ITPK1: variants seen among roughly 807,000 people sequenced by gnomAD.
The protein encoded by ITPK1 is inositol-tetrakisphosphate 1-kinase.
A neutral mutation model predicts 45.3 loss-of-function variants in ITPK1; 21 were observed. The observed-to-expected ratio is 0.46, with a 90% CI of 0.33 to 0.67. ITPK1 has a LOEUF of 0.67. Ranked by LOEUF, ITPK1 falls within the 30% of genes least tolerant of loss-of-function variation. The probability of loss-of-function intolerance (pLI) is 0.02; values close to 1 mark genes in which losing one functional copy is unlikely to be tolerated. For missense variants in ITPK1, 474 were observed against 573.5 expected, an observed-to-expected ratio of 0.83 and a Z score of 1.77; for synonymous variants, 258 against 253.6, an observed-to-expected ratio of 1.02 and a Z score of -0.16.
At chr14:93,043,520 A>G (rs1889652059) in intron 3 of ITPK1, among the ~76,000 whole-genome samples, 1 of 152,204 alleles carries the variant, frequency 6.6e-6, no homozygotes, top group Admixed American at 6.5e-5. Flanking sequence ...AAGCAGGGGA[A>G]ATGCCATCCT....
intron 5 of ITPK1, among the ~76,000 whole-genome samples, chr14:92,975,635 T>C (rs1200922104): frequency 6.6e-6 from 1 of 152,184 alleles, no homozygotes. Context: ...CTTTCCCCAA[T>C]GTGGGTGGAG....
intron 2 of ITPK1, among the ~76,000 whole-genome samples, chr14:93,084,733 A>G (rs916220675): frequency 1.3e-5 from 2 of 152,174 alleles, no homozygotes; most frequent in African/African-American, 2.4e-5. Context: ...AGGGGGAGGC[A>G]GCAGCAGCCT....
intron 5 of ITPK1, among the ~76,000 whole-genome samples, chr14:92,989,026 A>G (rs1463766983): frequency 6.6e-6 from 1 of 152,028 alleles, no homozygotes; most frequent in African/African-American, 2.4e-5. Context: ...CAGCTCCCCG[A>G]GGGTTGAGAG....
intron 8 of ITPK1, among the ~76,000 whole-genome samples, chr14:92,957,762 G>A (rs1183136648): frequency 1.3e-5 from 2 of 152,240 alleles, no homozygotes; most frequent in Admixed American, 1.3e-4. Flanking sequence ...CTCTGTCTCA[G>A]GCTCCCCAGG....
At chr14:93,046,784 C>T (rs1469381909) in intron 3 of ITPK1, among the ~76,000 whole-genome samples, 1 of 152,178 alleles carries the variant, frequency 6.6e-6, no homozygotes. Flanking sequence ...TGGTTCATTA[C>T]CATCAAAGCT....
At chr14:92,991,111 C>A (rs1038540521) in intron 5 of ITPK1, among the ~76,000 whole-genome samples, 5 of 152,184 alleles carry the variant, frequency 3.3e-5, no homozygotes, top group Non-Finnish European at 7.3e-5. Flanking sequence ...CTGTGATTAT[C>A]TGAGGGAACT....
chr14:93,055,975 C>T (rs1377843998), intron 3 of ITPK1, among the ~76,000 whole-genome samples: 2 of 152,152 alleles, frequency 1.3e-5, no homozygotes, highest in East Asian at 3.9e-4. Context: ...ATCAGGCAGC[C>T]TGATGAGGCT....
chr14:92,950,199 G>A (rs986333664), intron 9 of ITPK1, among the ~76,000 whole-genome samples: 3 of 152,226 alleles, frequency 2.0e-5, no homozygotes, highest in Non-Finnish European at 4.4e-5. Context: ...AGGCCCATCC[G>A]CAGGGGCATC....
At chr14:92,972,296 G>A (rs919024593) in intron 5 of ITPK1, among the ~76,000 whole-genome samples, 4 of 152,172 alleles carry the variant, frequency 2.6e-5, no homozygotes, top group Non-Finnish European at 5.9e-5. Context: ...GGGAGATAGG[G>A]TCTTTAAAGA....
intron 9 of ITPK1, among the ~76,000 whole-genome samples, chr14:92,950,980 C>G (rs1595079787): frequency 6.6e-6 from 1 of 152,224 alleles, no homozygotes; most frequent in African/African-American, 2.4e-5. Flanking sequence ...CTCAGAGGAC[C>G]CTGACACAAA....
rs963004016 is a variant in ITPK1, at chr14:93,016,614, C to T, written c.246+62G>A. 2.1e-5 allele frequency: 34 copies of T among 1,587,916 alleles called. No individual in the cohort carries two copies. Among genetic ancestry groups the T allele is most frequent in the Middle Eastern group, 3.5e-4 (2 of 5,730 alleles). ...CGCCCTAAATACACACACGGCCATT[C>T]CAGGGCCTCCCCTCCTCCTCCTGAA... On this transcript the variant is annotated intron_variant, in intron 4 of 10. Transcript: ENST00000267615. The surrounding 1 kb of genome is among the most constrained non-coding windows in gnomAD (Gnocchi z 5.0).
chr14:93,048,399 A>T (rs535260138), intron 3 of ITPK1, among the ~76,000 whole-genome samples: 113 of 152,342 alleles, frequency 7.4e-4, no homozygotes, highest in Non-Finnish European at 1.0e-3. Flanking sequence ...GGTGACTAAA[A>T]ATGGCTTTAA....
At position 93,096,230 on chromosome 14, in the gene ITPK1, A is replaced by G. The variant is rs987888966; in HGVS notation, c.95+18839T>C. On this transcript the variant is annotated intron_variant, in intron 2 of 10. Coordinates refer to ENST00000267615, the MANE Select transcript of ITPK1 (RefSeq NM_014216.6). ...GATGCCGCAGCCCCAGCTTTCTGCG[A>G]CTGACTCCTTTCTGACCTGTCAGCA... 3.9e-5 allele frequency among the ~76,000 whole-genome samples: 6 copies of G among 152,172 alleles called. No individual in the cohort carries two copies. The East Asian group carries it at 7.7e-4, about 20-fold the overall frequency.
chr14:92,967,950 G>A (rs543085829), intron 5 of ITPK1, among the ~76,000 whole-genome samples: 154 of 152,318 alleles, frequency 1.0e-3, no homozygotes, highest in African/African-American at 3.5e-3. Context: ...TCCTTTGGGG[G>A]TGATGAAAAT....
At chr14:92,962,523 A>G in intron 6 of ITPK1, 128 bp from the exon 7 acceptor site, 1 of 776,142 alleles carries the variant, frequency 1.3e-6, no homozygotes, top group East Asian at 2.5e-5. Context: ...ATCTGCACTG[A>G]GGGTGACGTG....
chr14:93,039,197 C>T (rs1889456375), intron 3 of ITPK1, among the ~76,000 whole-genome samples: 1 of 152,220 alleles, frequency 6.6e-6, no homozygotes, highest in South Asian at 2.1e-4. Context: ...GCCTTTTGGG[C>T]AGGCTCTGGC....
chr14:93,089,444 T>C (rs971264256), intron 2 of ITPK1, among the ~76,000 whole-genome samples: 6 of 152,114 alleles, frequency 3.9e-5, no homozygotes, highest in Non-Finnish European at 8.8e-5. Flanking sequence ...GGTTGCTGGC[T>C]TCCATAGGAA....
chr14:92,953,713 G>A (rs542019248), intron 8 of ITPK1, among the ~76,000 whole-genome samples: 5 of 152,324 alleles, frequency 3.3e-5, no homozygotes, highest in East Asian at 3.9e-4. Context: ...TGCAGGAGCC[G>A]CAAGGAGAAC....
intron 4 of ITPK1, among the ~76,000 whole-genome samples, chr14:93,005,092 G>C (rs1454962744): frequency 2.6e-5 from 4 of 152,014 alleles, no homozygotes; most frequent in African/African-American, 9.7e-5. Flanking sequence ...GACAGCTATG[G>C]GTTATGGAGT....
Sources: gnomAD v4.1 joint callset for allele counts (sites outside exome capture counted in the v4.1 genomes callset) on GRCh38, gnomAD v4.1.1 for gene constraint, Gnocchi (gnomAD v3.1) non-coding constraint, MANE v1.5 for transcripts, NCBI Gene and HGNC (gene_info 2026-07-23, HGNC 2026-07-21) for gene names.